STOX2: variants seen among roughly 807,000 people sequenced by gnomAD.
STOX2 encodes storkhead box 2, also known as storkhead-box protein 2.
Under a neutral mutation model 60.9 loss-of-function variants are expected in STOX2, and 28 were observed. The observed-to-expected ratio is 0.46, with a 90% CI of 0.34 to 0.63. STOX2 has a LOEUF of 0.63. Among genes scored for constraint, STOX2 ranks in the 30% least tolerant of loss-of-function variants. The pLI, the probability that STOX2 is intolerant of heterozygous loss-of-function variation, is 0.01. For synonymous variants in STOX2, 472 were observed against 463.9 expected, an observed-to-expected ratio of 1.02 and a Z score of -0.22; for missense variants, 1,024 against 1,187.7, an observed-to-expected ratio of 0.86 and a Z score of 2.03.
At chr4:183,964,113 C>G (rs1194464014) in intron 1 of STOX2, among the ~76,000 whole-genome samples, 2 of 152,186 alleles carry the variant, frequency 1.3e-5, no homozygotes, top group Non-Finnish European at 2.9e-5. Flanking sequence ...GAAATAGAGA[C>G]TAGTCTGAAA....
chr4:183,980,477 C>T (rs968879947), intron 1 of STOX2, among the ~76,000 whole-genome samples: 4 of 152,118 alleles, frequency 2.6e-5, no homozygotes, highest in South Asian at 2.1e-4. Flanking sequence ...ACGGAGGTGT[C>T]GGGAAAGCAG....
intron 1 of STOX2, among the ~76,000 whole-genome samples, chr4:183,922,984 G>A (rs1360875074): frequency 2.0e-5 from 3 of 152,144 alleles, no homozygotes; most frequent in African/African-American, 7.2e-5. Context: ...AGGCAGAATC[G>A]TATTCCATTG....
chr4:183,909,216 G>C (rs1159319937), intron 1 of STOX2, among the ~76,000 whole-genome samples: 1 of 152,168 alleles, frequency 6.6e-6, no homozygotes, highest in East Asian at 1.9e-4. Flanking sequence ...TTCAAAATGT[G>C]AGTATTGATA....
chr4:183,798,503 C>G (rs994067652), intron 1 of STOX2: 3 of 474,512 alleles, frequency 6.3e-6, no homozygotes, highest in Non-Finnish European at 8.3e-6. Flanking sequence ...AGCGGCGGCT[C>G]AGGTGCGCCC....
At chr4:183,943,985 T>G (rs1210409916) in intron 1 of STOX2, among the ~76,000 whole-genome samples, 1 of 152,240 alleles carries the variant, frequency 6.6e-6, no homozygotes, top group African/African-American at 2.4e-5. Flanking sequence ...GATTCAAAGA[T>G]GTCTCAAAGT....
chr4:183,828,729 A>G (rs993606371), intron 1 of STOX2, among the ~76,000 whole-genome samples: 5 of 152,246 alleles, frequency 3.3e-5, no homozygotes, highest in African/African-American at 4.8e-5. Flanking sequence ...TGAAAAAATG[A>G]ACTTCTGTGA....
chr4:183,819,209 G>T (rs1739241296), intron 1 of STOX2, among the ~76,000 whole-genome samples: 1 of 152,114 alleles, frequency 6.6e-6, no homozygotes, highest in Non-Finnish European at 1.5e-5. Flanking sequence ...GGAGGTGGAG[G>T]TTGTAGAGAG....
intron 1 of STOX2, among the ~76,000 whole-genome samples, chr4:183,860,442 C>CCA (rs367804708): frequency 1.5e-4 from 18 of 121,506 alleles, no homozygotes; most frequent in African/African-American, 5.0e-4. Context: ...AAACAAAAAA[C>CCA]AAAAAAAAAA....
At chr4:183,920,452 G>A (rs967644111) in intron 1 of STOX2, among the ~76,000 whole-genome samples, 6 of 152,124 alleles carry the variant, frequency 3.9e-5, no homozygotes, top group African/African-American at 1.2e-4. Context: ...CATTCCCCCA[G>A]TGGTTCATCT....
At chr4:183,984,823 C>T (rs562860414) in intron 1 of STOX2, among the ~76,000 whole-genome samples, 1 of 152,226 alleles carries the variant, frequency 6.6e-6, no homozygotes, top group East Asian at 1.9e-4. Flanking sequence ...ACTGTAACAC[C>T]GAAGCTGTTA....
In STOX2 at chr4:183,906,782, C is replaced by T. The variant is rs939561785; in HGVS notation, c.-9C>T. On this transcript the variant is annotated 5_prime_UTR_variant, in exon 1 of 4. Transcript: ENST00000308497. Reference sequence around the variant, plus strand: ...CCGAGGATCGGGGCGGCAGGTCGCCCTCCCCACCATGAAGAAGACCCGGAG... The same window carrying T: ...CCGAGGATCGGGGCGGCAGGTCGCCTTCCCCACCATGAAGAAGACCCGGAG... 29 of 1,523,072 alleles carry T rather than the reference C, an allele frequency of 1.9e-5. No homozygotes were observed. The highest frequency in any genetic ancestry group is 3.4e-4 in the Middle Eastern group (2 of 5,880). The allele number at this position is 1,523,072 out of a possible 1,614,324, so 94.3% of individuals were successfully genotyped here.
intron 1 of STOX2, among the ~76,000 whole-genome samples, chr4:183,963,221 G>T (rs930338210): frequency 6.6e-6 from 1 of 151,984 alleles, no homozygotes; most frequent in African/African-American, 2.4e-5. Context: ...GGAAATATGA[G>T]GAGACAGTAT....
chr4:183,822,496 C>T lies in STOX2; in HGVS notation c.364+24441C>T, dbSNP rs148999294. Among the ~76,000 whole-genome samples, 386 of 152,336 alleles carry T rather than the reference C, an allele frequency of 2.5e-3. 3 individuals are homozygous for T. Among genetic ancestry groups the T allele is most frequent in the African/African-American group, 9.1e-3 (379 of 41,580 alleles). On this transcript the variant is annotated intron_variant, in intron 1 of 2. Coordinates refer to the STOX2 transcript ENST00000513034. ...CTGAGCTTGTTCTCCTGCAACTAGA[C>T]GGTCCCATCTGGGAGACAGTGACAG...
At chr4:183,900,993 T>C (rs1004817379), upstream of STOX2, among the ~76,000 whole-genome samples, 7 of 152,184 alleles carry the variant, frequency 4.6e-5, no homozygotes, top group Non-Finnish European at 7.3e-5. Flanking sequence ...ACCATCTATC[T>C]CCGTAATTCT....
intron 1 of STOX2, among the ~76,000 whole-genome samples, chr4:183,970,636 A>G (rs1283358425): frequency 6.6e-6 from 1 of 152,202 alleles, no homozygotes; most frequent in Non-Finnish European, 1.5e-5. Context: ...AGCTAGAGGC[A>G]TCTCCATGGA....
At chr4:183,834,843 C>T (rs1739663653) in intron 1 of STOX2, among the ~76,000 whole-genome samples, 1 of 152,172 alleles carries the variant, frequency 6.6e-6, no homozygotes, top group South Asian at 2.1e-4. Flanking sequence ...CCTCAAGAAA[C>T]TTCAAGTTTA....
At chr4:183,988,468 A>G (rs1732945634) in intron 1 of STOX2, 2 of 151,996 alleles carry the variant, frequency 1.3e-5, no homozygotes, top group Admixed American at 1.3e-4. Flanking sequence ...AAGTACATTC[A>G]CAGAGCCTTT....
chr4:183,958,377 A>C (rs28721952), intron 1 of STOX2, among the ~76,000 whole-genome samples: 7,358 of 152,192 alleles, frequency 0.048, 617 homozygotes, highest in African/African-American at 0.17. Flanking sequence ...TATATACCAT[A>C]TATATAAAAT....
At chr4:183,857,408 T>C (rs76619247) in intron 1 of STOX2, among the ~76,000 whole-genome samples, 186 of 17,022 alleles carry the variant, frequency 0.011, 4 homozygotes, top group African/African-American at 0.023. Flanking sequence ...CCTCATAGGA[T>C]TGGTCATCCC....
Sources: allele counts gnomAD v4.1 joint callset (sites outside exome capture counted in the v4.1 genomes callset), GRCh38; gene constraint gnomAD v4.1.1; transcripts MANE v1.5; gene names NCBI Gene and HGNC (gene_info 2026-07-23, HGNC 2026-07-21).